The following TRIM62 variants were observed in gnomAD, a reference collection of about 807,000 sequenced individuals.
TRIM62 encodes the protein E3 ubiquitin-protein ligase TRIM62.
In TRIM62, 39 loss-of-function variants were observed where a neutral mutation model predicts 44.2. The ratio of observed to expected loss-of-function variants is 0.88; its 90% CI spans 0.68 to 1.15. The LOEUF (loss-of-function observed/expected upper bound fraction) is 1.15. Among genes scored for constraint, TRIM62 ranks in the 50% most tolerant of loss-of-function variants. TRIM62 has a pLI of 0.00. For missense variants in TRIM62, 544 were observed against 665.5 expected, an observed-to-expected ratio of 0.82 and a Z score of 2.01; for synonymous variants, 278 against 292.3, an observed-to-expected ratio of 0.95 and a Z score of 0.50.
At chr1:33,175,467 A>T (rs1296784086) in intron 1 of TRIM62, among the ~76,000 whole-genome samples, 1 of 152,186 alleles carries the variant, frequency 6.6e-6, no homozygotes, top group African/African-American at 2.4e-5. Context: ...ACAACACTGG[A>T]CTGAGTCGGG....
intron 4 of TRIM62, among the ~76,000 whole-genome samples, chr1:33,153,565 A>G (rs1296236840): frequency 6.6e-6 from 1 of 152,176 alleles, no homozygotes; most frequent in Non-Finnish European, 1.5e-5. Context: ...GCAACAAGGA[A>G]TGGTCCAGCC....
In TRIM62 at chr1:33,152,303, C is replaced by T. The variant is rs184323264; in HGVS notation, c.878-4576G>A. On this transcript the variant is annotated intron_variant, in intron 4 of 4. Coordinates refer to ENST00000291416, the MANE Select transcript of TRIM62 (RefSeq NM_018207.3). ...TGGGGAGGCTGGGCTTGGTGGCTCA[C>T]GCCCGTAATTCCAGCACTTTGGGAG... Among the ~76,000 whole-genome samples the T allele has an allele frequency of 2.1e-4, 32 of 152,276 alleles. No homozygotes were observed. The East Asian group carries it at 5.4e-3, about 26-fold the overall frequency.
chr1:33,151,135 AG>A (rs1240904608), intron 4 of TRIM62, among the ~76,000 whole-genome samples: 3 of 152,006 alleles, frequency 2.0e-5, no homozygotes, highest in Non-Finnish European at 2.9e-5. Context: ...GAGGGAGACA[AG>A]GGGGCTCTCC....
At chr1:33,170,396 C>A (rs1468573124) in intron 1 of TRIM62, among the ~76,000 whole-genome samples, 1 of 151,478 alleles carries the variant, frequency 6.6e-6, no homozygotes, top group East Asian at 1.9e-4. Flanking sequence ...ATCTTTAAAA[C>A]AACAACAACA....
chr1:33,154,516 G>C (rs939320421), intron 4 of TRIM62, among the ~76,000 whole-genome samples: 2 of 148,870 alleles, frequency 1.3e-5, no homozygotes, highest in African/African-American at 5.0e-5. Context: ...TGTTTTTTTT[G>C]AGGCTGGGCG....
rs1045620844 is a variant in TRIM62, at chr1:33,165,584, C to T, written c.409-18G>A. ...AGCTCCCTCTGAAACACACACAGGG[C>T]CGGGATGGGGGCAGGGGCCATGCCT... On this transcript the variant is annotated intron_variant, in intron 1 of 4. Coordinates refer to ENST00000291416, the MANE Select transcript of TRIM62 (RefSeq NM_018207.3). This position sits in a 1 kb window ranked among gnomAD's most constrained non-coding sequence, Gnocchi z 4.0. 14 of 1,593,734 alleles carry T rather than the reference C, an allele frequency of 8.8e-6. No individual in the cohort carries two copies. The highest frequency in any genetic ancestry group is 1.2e-5 in the Non-Finnish European group (14 of 1,168,170).
intron 4 of TRIM62, among the ~76,000 whole-genome samples, chr1:33,155,010 G>A (rs968046431): frequency 1.4e-5 from 2 of 140,746 alleles, no homozygotes; most frequent in African/African-American, 2.6e-5. Context: ...GGAGAATGGC[G>A]TGAACCCGGG....
At chr1:33,155,387 C>T (rs955628226) in intron 4 of TRIM62, among the ~76,000 whole-genome samples, 2 of 152,044 alleles carry the variant, frequency 1.3e-5, no homozygotes, top group Admixed American at 6.5e-5. Flanking sequence ...GACTCTTGAA[C>T]GTGCCTTGAG....
chr1:33,158,392 G>C, intron 3 of TRIM62, 24 bp from the exon 4 acceptor site: 4 of 1,602,588 alleles, frequency 2.5e-6, no homozygotes, highest in Non-Finnish European at 2.6e-6. Flanking sequence ...AGGAAAGGGG[G>C]CTGCACCAGG....
Position 33,146,565 on chromosome 1 carries a change from G to C in TRIM62, c.*612C>G, listed in dbSNP as rs1362265296. The C allele has an allele frequency of 6.3e-6, 1 of 160,000 alleles. No individual in the cohort carries two copies. Among genetic ancestry groups the C allele is most frequent in the Non-Finnish European group, 1.4e-5 (1 of 72,314 alleles). The allele number at this position is 160,000 out of a possible 1,614,324, so 9.9% of individuals were successfully genotyped here. A position where few individuals can be genotyped will look rare whatever the true frequency, so the allele number is the denominator to read the frequency against. On this transcript the variant is annotated 3_prime_UTR_variant, in exon 5 of 5. Transcript: ENST00000291416. ...CTATAATGTGTGGACTCAACTACCA[G>C]GTGCCTTCCACAGGCCACAGCATCA... is the stretch of plus-strand genomic sequence containing the variant.
Position 33,181,335 on chromosome 1 carries a change from C to T in TRIM62, c.98G>A (p.Arg33His). Residue 33 changes from arginine (R) to histidine (H), a missense_variant, in exon 1 of 5, where the codon CGC becomes CAC. Physicochemically the swap from Arg to His is conservative, Grantham distance 29. Transcript: ENST00000291416. The surrounding 1 kb of genome is among the most constrained non-coding windows in gnomAD (Gnocchi z 6.5). ...CCGCACCCAGTGCTCCGTGATGCAG[C>T]GGCGGCAGAAGTAATGCTCGCAGCC... ...SLGCEHYFCR[R>H]CITEHWVRQE... 1.9e-6 allele frequency: 3 copies of T among 1,579,864 alleles called. No individual in the cohort carries two copies. The highest frequency in any genetic ancestry group is 1.7e-6 in the Non-Finnish European group (2 of 1,166,984).
chr1:33,175,971 G>T (rs867343684), intron 1 of TRIM62, among the ~76,000 whole-genome samples: 2 of 152,262 alleles, frequency 1.3e-5, no homozygotes, highest in Middle Eastern at 3.4e-3. Context: ...ACTGTGGCCC[G>T]TGCTCAGCAA....
chr1:33,173,913 G>T (rs577904380), intron 1 of TRIM62, among the ~76,000 whole-genome samples: 1 of 151,948 alleles, frequency 6.6e-6, no homozygotes, highest in Non-Finnish European at 1.5e-5. Flanking sequence ...TGCCCAGGAT[G>T]GTCTCGAACT....
intron 1 of TRIM62, among the ~76,000 whole-genome samples, chr1:33,180,357 G>C (rs1198037206): frequency 6.6e-6 from 1 of 152,040 alleles, no homozygotes; most frequent in African/African-American, 2.4e-5. Context: ...ATCTAAACTT[G>C]TTGTAGAGTA....
chr1:33,168,534 T>C (rs1222208026), intron 1 of TRIM62, among the ~76,000 whole-genome samples: 2 of 152,220 alleles, frequency 1.3e-5, no homozygotes, highest in Non-Finnish European at 2.9e-5. Flanking sequence ...CAGTGCAACC[T>C]GCCGCAGCAC....
chr1:33,174,421 C>A (rs1440679909), intron 1 of TRIM62, among the ~76,000 whole-genome samples: 4 of 152,128 alleles, frequency 2.6e-5, no homozygotes, highest in Non-Finnish European at 5.9e-5. Context: ...TGGGCTCAAG[C>A]AATCCTCTTG....
rs372568583 is a variant in TRIM62 at position 33,161,511 on chromosome 1, G to A, written c.505-1567C>T. Among the ~76,000 whole-genome samples the A allele has an allele frequency of 6.6e-6, 1 of 152,164 alleles. No individual in the cohort carries two copies. The highest frequency in any genetic ancestry group is 1.5e-5 in the Non-Finnish European group (1 of 68,030). On this transcript the variant is annotated intron_variant, in intron 2 of 4. Coordinates refer to ENST00000291416, the MANE Select transcript of TRIM62 (RefSeq NM_018207.3). This position sits in a 1 kb window ranked among gnomAD's most constrained non-coding sequence, Gnocchi z 4.3. ...AGGGCCTGTTCCCTCCCCGACGCGC[G>A]GCTGCTGGCCTGCAGGAAGAACTGC...
chr1:33,154,925 C>G (rs1266062663), intron 4 of TRIM62, among the ~76,000 whole-genome samples: 1 of 151,606 alleles, frequency 6.6e-6, no homozygotes, highest in Admixed American at 6.6e-5. Flanking sequence ...AACCCCGTCT[C>G]TACTAAAAAT....
chr1:33,147,377 G>A lies in TRIM62; in HGVS notation c.1228C>T (p.Arg410Trp), dbSNP rs141599493. The part of the protein sequence containing the change: ...CTEPWTRLNV[R>W]DKLDKVGVFL... ...ACACCCACCTTGTCAAGCTTGTCCC[G>A]GACGTTAAGCCGCGTCCAGGGCTCC... Residue 410 changes from arginine (R) to tryptophan (W), a missense_variant, in exon 5 of 5, where the codon CGG becomes TGG. Physicochemically the swap from Arg to Trp is moderately radical, Grantham distance 101. Transcript: ENST00000291416. The surrounding 1 kb of genome is among the most constrained non-coding windows in gnomAD (Gnocchi z 8.1). 10 of 1,614,148 alleles carry A rather than the reference G, an allele frequency of 6.2e-6. No individual in the cohort carries two copies. The highest frequency in any genetic ancestry group is 6.8e-6 in the Non-Finnish European group (8 of 1,180,036).
Sources: gnomAD v4.1 joint callset for allele counts (sites outside exome capture counted in the v4.1 genomes callset) on GRCh38, gnomAD v4.1.1 for gene constraint, Gnocchi (gnomAD v3.1) non-coding constraint, MANE v1.5 for transcripts, NCBI Gene and HGNC (gene_info 2026-07-23, HGNC 2026-07-21) for gene names.